MAST4: variants seen among roughly 807,000 people sequenced by gnomAD.
MAST4 encodes microtubule associated serine/threonine kinase family member 4.
Under a neutral mutation model 162.7 loss-of-function variants are expected in MAST4, and 89 were observed. The observed-to-expected ratio is 0.55, with a 90% confidence interval of 0.46 to 0.65. MAST4 has a LOEUF of 0.65. Among genes scored for constraint, MAST4 ranks in the 30% least tolerant of loss-of-function variants. The probability of loss-of-function intolerance (pLI) is 0.00; values close to 1 mark genes in which losing one functional copy is unlikely to be tolerated. For synonymous variants in MAST4, 1,479 were observed against 1,361.1 expected (o/e 1.09, Z -1.91); for missense variants, 3,153 against 3,374.0 (o/e 0.93, Z 1.62).
In MAST4 at chr5:66,950,149, T is replaced by C. The variant is rs546677729; in HGVS notation, c.674+50167T>C. Among the ~76,000 whole-genome samples, 5 of 152,304 alleles carry C rather than the reference T, an allele frequency of 3.3e-5. No homozygotes were observed. The South Asian group carries it at 1.0e-3, about 32-fold the overall frequency. On this transcript the variant is annotated intron_variant, in intron 4 of 28. Transcript: ENST00000403625. ...ACCACCTTAACCACTGTCCTGACTC[T>C]AATAGCATAGGTTGCTATTAGAACT... is the stretch of plus-strand genomic sequence containing the variant.
intron 1 of MAST4, among the ~76,000 whole-genome samples, chr5:66,602,404 T>C (rs1192340746): frequency 6.6e-6 from 1 of 152,182 alleles, no homozygotes; most frequent in Non-Finnish European, 1.5e-5. Flanking sequence ...TGGTCTGAAG[T>C]ACTCCAGGGA....
intron 3 of MAST4, among the ~76,000 whole-genome samples, chr5:66,791,255 C>A (rs879866107): frequency 6.6e-6 from 1 of 152,226 alleles, no homozygotes; most frequent in Non-Finnish European, 1.5e-5. Flanking sequence ...GACTCCTGAC[C>A]TCAGGTGATA....
At chr5:66,740,750 C>T (rs1052953150) in intron 1 of MAST4, among the ~76,000 whole-genome samples, 8 of 152,140 alleles carry the variant, frequency 5.3e-5, no homozygotes, top group Admixed American at 1.3e-4. Context: ...GTACAGTCGT[C>T]GCTCAAGCTG....
chr5:66,694,146 C>T (rs1474854654), intron 1 of MAST4, among the ~76,000 whole-genome samples: 2 of 152,186 alleles, frequency 1.3e-5, no homozygotes, highest in African/African-American at 4.8e-5. Flanking sequence ...GAATAAGTTA[C>T]ATGGGACCCA....
intron 23 of MAST4, among the ~76,000 whole-genome samples, chr5:67,147,405 C>T (rs1034775048): frequency 7.9e-5 from 12 of 152,198 alleles, no homozygotes; most frequent in East Asian, 1.9e-4. Flanking sequence ...AAGAAGCTCA[C>T]GCTTATATGC....
At chr5:66,936,884 T>C (rs57512785) in intron 4 of MAST4, among the ~76,000 whole-genome samples, 6 of 152,184 alleles carry the variant, frequency 3.9e-5, no homozygotes, top group Non-Finnish European at 7.3e-5. Context: ...CCCAGCATCA[T>C]CTTTTTCTTA....
chr5:67,122,689 G>C (rs1252500000), intron 14 of MAST4, among the ~76,000 whole-genome samples: 2 of 152,160 alleles, frequency 1.3e-5, no homozygotes, highest in East Asian at 3.9e-4. Context: ...TCTGGAATAA[G>C]ATTATCTGTG....
chr5:66,737,564 G>A (rs1332268054), intron 1 of MAST4, among the ~76,000 whole-genome samples: 2 of 152,088 alleles, frequency 1.3e-5, no homozygotes, highest in Non-Finnish European at 2.9e-5. Context: ...TCCCTCCTTG[G>A]CCTCGTATCT....
At chr5:66,801,740 A>G (rs1755932443) in intron 3 of MAST4, among the ~76,000 whole-genome samples, 1 of 152,230 alleles carries the variant, frequency 6.6e-6, no homozygotes, top group Non-Finnish European at 1.5e-5. Flanking sequence ...AACTGCCACT[A>G]AATTGACACA....
chr5:66,968,279 C>T (rs899280652), intron 4 of MAST4, among the ~76,000 whole-genome samples: 3 of 152,210 alleles, frequency 2.0e-5, no homozygotes, highest in African/African-American at 7.2e-5. Flanking sequence ...TTTACTTCTT[C>T]CATCTTTTTC....
At chr5:67,038,331 C>T (rs1756296125) in intron 4 of MAST4, among the ~76,000 whole-genome samples, 1 of 150,320 alleles carries the variant, frequency 6.7e-6, no homozygotes, top group African/African-American at 2.4e-5. Flanking sequence ...TACAAAGTCA[C>T]TTAACTGAAC....
chr5:66,720,647 C>T (rs1033183202), intron 1 of MAST4, among the ~76,000 whole-genome samples: 1 of 151,996 alleles, frequency 6.6e-6, no homozygotes, highest in African/African-American at 2.4e-5. Context: ...TTGATCTTTT[C>T]AAAGAACCAG....
intron 4 of MAST4, among the ~76,000 whole-genome samples, chr5:66,996,122 A>G (rs1750611973): frequency 6.6e-6 from 1 of 152,056 alleles, no homozygotes; most frequent in Non-Finnish European, 1.5e-5. Context: ...TACTAAAAAT[A>G]CACAAAATTA....
At chr5:67,013,563 G>A (rs1272565260) in intron 4 of MAST4, among the ~76,000 whole-genome samples, 9 of 151,970 alleles carry the variant, frequency 5.9e-5, no homozygotes, top group Non-Finnish European at 1.2e-4. Flanking sequence ...CGCTTTACTG[G>A]GTTTCTTCCT....
chr5:66,976,349 C>T (rs1748146125), intron 4 of MAST4, among the ~76,000 whole-genome samples: 1 of 152,238 alleles, frequency 6.6e-6, no homozygotes, highest in African/African-American at 2.4e-5. Context: ...TTGATCTGCA[C>T]TGCTGCCACC....
At chr5:67,102,406 TTATTATC>T in intron 8 of MAST4, 123 bp from the exon 9 acceptor site, 8 of 813,588 alleles carry the variant, frequency 9.8e-6, no homozygotes, top group South Asian at 4.3e-5. Context: ...ATTTTGTAGT[TTATTATC>T]TGATATACTT....
chr5:66,950,291 T>C (rs928845004), intron 4 of MAST4, among the ~76,000 whole-genome samples: 1 of 152,112 alleles, frequency 6.6e-6, no homozygotes, highest in Non-Finnish European at 1.5e-5. Flanking sequence ...ATTTTTGTTT[T>C]AGCCATTTTT....
rs1243036890 is a variant in MAST4, at chr5:66,950,923, T to G, written c.674+50941T>G. Among the ~76,000 whole-genome samples, 3 of 152,328 alleles carry G rather than the reference T, an allele frequency of 2.0e-5. 1 individual carries two copies. Among genetic ancestry groups the G allele is most frequent in the Middle Eastern group, 6.8e-3 (2 of 294 alleles). ...AGTTATACTTCCTTTTGCTCAACAT[T>G]ATGCTTAACATTATGTTTGCAAGGT... On this transcript the variant is annotated intron_variant, in intron 4 of 28. Coordinates refer to ENST00000403625, the MANE Select transcript of MAST4 (RefSeq NM_001164664.2).
chr5:66,659,852 C>T (rs959710342), intron 1 of MAST4, among the ~76,000 whole-genome samples: 1 of 152,192 alleles, frequency 6.6e-6, no homozygotes, highest in Non-Finnish European at 1.5e-5. Flanking sequence ...GAGGACAAGA[C>T]ATTTGTTCTG....
Sources: gnomAD v4.1 joint callset for allele counts (sites outside exome capture counted in the v4.1 genomes callset) on GRCh38, gnomAD v4.1.1 for gene constraint, MANE v1.5 for transcripts, NCBI Gene and HGNC (gene_info 2026-07-23, HGNC 2026-07-21) for gene names.